The following TRIM55 variants were observed in gnomAD, a reference collection of about 807,000 sequenced individuals.
The protein encoded by TRIM55 is tripartite motif containing 55.
In TRIM55, 50 loss-of-function variants were observed where a neutral mutation model predicts 60.9. That is an observed-to-expected ratio of 0.82 (90% CI 0.65 to 1.04). The LOEUF (loss-of-function observed/expected upper bound fraction) is 1.04, where lower values mean the gene tolerates loss of function less well. Among genes scored for constraint, TRIM55 ranks in the 50% least tolerant of loss-of-function variants. The pLI, the probability that TRIM55 is intolerant of heterozygous loss-of-function variation, is 0.00. For synonymous variants in TRIM55, 237 were observed against 238.1 expected (o/e 1.00, Z 0.04); for missense variants, 681 against 666.9 (o/e 1.02, Z -0.23).
chr8:66,159,180 T>C (rs1810910993), intron 9 of TRIM55, among the ~76,000 whole-genome samples: 1 of 152,228 alleles, frequency 6.6e-6, no homozygotes, highest in Non-Finnish European at 1.5e-5. Flanking sequence ...CATGTGTCTT[T>C]ACCATTAAAT....
In TRIM55 at chr8:66,139,280, T is replaced by A. The variant is rs530810947; in HGVS notation, c.603+2090T>A. ...CTCAGGGCTTTACCGGAGATGTCTG[T>A]TGGAAGGAACAGGCTTTCTGTCTGG... On this transcript the variant is annotated intron_variant, in intron 4 of 9. Transcript: ENST00000315962. Among the ~76,000 whole-genome samples the A allele has an allele frequency of 2.0e-5, 3 of 152,208 alleles. No individual in the cohort carries two copies. In the South Asian group the frequency reaches 6.2e-4, roughly 32 times the overall value.
At chr8:66,155,509 C>A (rs1258790052) in intron 9 of TRIM55, 1 of 688,866 alleles carries the variant, frequency 1.5e-6, no homozygotes, top group East Asian at 2.6e-5. Context: ...TAGTGCACTA[C>A]CCCATGAAGA....
intron 2 of TRIM55, among the ~76,000 whole-genome samples, chr8:66,132,014 G>T (rs1809188631): frequency 6.6e-6 from 1 of 152,088 alleles, no homozygotes; most frequent in African/African-American, 2.4e-5. Flanking sequence ...ATAAATACAT[G>T]CTTGTGTTCA....
At chr8:66,121,229 T>C in the TRIM55 span, among the ~76,000 whole-genome samples, 1 of 152,166 alleles carries the variant, frequency 6.6e-6, no homozygotes, top group Non-Finnish European at 1.5e-5. Flanking sequence ...GGGAAGGTGG[T>C]GGTGACTTTG....
Position 66,149,652 on chromosome 8 carries a change from G to T in TRIM55, c.611G>T (p.Cys204Phe). ...EDTCKTIEEC[C>F]RKQKQELCEK... ...AGCTAACCCAACTAATAGGAATGTT[G>T]CAGAAAACAGAAACAAGAGCTTTGT... The change falls in exon 5 of 10, where the codon TGC (cysteine) becomes TTC (phenylalanine). Residue 204 changes from cysteine to phenylalanine, a missense_variant. By Grantham distance (205) the Cys-to-Phe change is radical. Coordinates refer to ENST00000315962, the MANE Select transcript of TRIM55 (RefSeq NM_184085.2). The T allele has an allele frequency of 1.2e-6, 2 of 1,613,252 alleles. No individual in the cohort carries two copies. The highest frequency in any genetic ancestry group is 1.1e-5 in the South Asian group (1 of 91,042).
At chr8:66,163,617 T>A (rs1208579146) in intron 9 of TRIM55, among the ~76,000 whole-genome samples, 1 of 152,240 alleles carries the variant, frequency 6.6e-6, no homozygotes, top group Non-Finnish European at 1.5e-5. Context: ...TTAATTCTGT[T>A]GTGGAGAAAG....
chr8:66,119,093 T>C, the TRIM55 span, among the ~76,000 whole-genome samples: 11 of 152,350 alleles, frequency 7.2e-5, no homozygotes, highest in Middle Eastern at 3.4e-3. Context: ...ACTGGTGCCC[T>C]AGTGCTCCAG....
At chr8:66,117,560 C>A in the TRIM55 span, among the ~76,000 whole-genome samples, 1 of 152,192 alleles carries the variant, frequency 6.6e-6, no homozygotes, top group Non-Finnish European at 1.5e-5. Flanking sequence ...AGGGCCAGAT[C>A]ATATCAGGTC....
At chr8:66,141,259 G>A (rs1563371964) in intron 4 of TRIM55, among the ~76,000 whole-genome samples, 1 of 152,204 alleles carries the variant, frequency 6.6e-6, no homozygotes, top group Non-Finnish European at 1.5e-5. Context: ...GGTTTGAAAG[G>A]GGGAGTGGCA....
chr8:66,153,804 G>T (rs914970873), intron 8 of TRIM55, among the ~76,000 whole-genome samples: 2 of 152,226 alleles, frequency 1.3e-5, no homozygotes, highest in East Asian at 3.9e-4. Flanking sequence ...TGGGCTCCCA[G>T]TGAGTGAAAG....
upstream of TRIM55, among the ~76,000 whole-genome samples, chr8:66,125,655 C>T (rs1808791756): frequency 6.6e-6 from 1 of 152,208 alleles, no homozygotes; most frequent in Non-Finnish European, 1.5e-5. Context: ...TTTACCAGTT[C>T]CCGTCCTCCC....
In TRIM55 at chr8:66,150,071, T is replaced by C. The variant is rs1267103468; in HGVS notation, c.838-146T>C. Reference sequence around the variant, plus strand: ...TGTCTATGATACTGCTTAAATCTAATAGGGTTCTGTTATAAGACAGCAGTT... The same window carrying C: ...TGTCTATGATACTGCTTAAATCTAACAGGGTTCTGTTATAAGACAGCAGTT... On this transcript the variant is annotated intron_variant, in intron 5 of 9. Coordinates refer to ENST00000315962, the MANE Select transcript of TRIM55 (RefSeq NM_184085.2). 4.8e-6 allele frequency: 5 copies of C among 1,032,430 alleles called. No homozygotes were observed. The African/African-American group carries it at 6.5e-5, about 13-fold the overall frequency. 64.0% of individuals were successfully genotyped at this position (1,032,430 alleles called of 1,614,324 possible). A position where few individuals can be genotyped will look rare whatever the true frequency, so the allele number is the denominator to read the frequency against.
At chr8:66,124,855 C>T (rs1808760357), upstream of TRIM55, among the ~76,000 whole-genome samples, 1 of 152,214 alleles carries the variant, frequency 6.6e-6, no homozygotes, top group Non-Finnish European at 1.5e-5. Context: ...GACAGCTTAT[C>T]TTCACAGGCA....
In TRIM55 at chr8:66,150,453, T is replaced by C. The variant is rs752915178; in HGVS notation, c.972T>C (p.Ile324=). The part of the protein sequence containing the change: ...LNREEKIIRE[I]DFYREDEDEE... ...GAGAAGAAAAGATAATACGTGAAATTGACTTTTACAGAGGTTTGTTATTCT... is the reference window on the plus strand; with the variant it reads ...GAGAAGAAAAGATAATACGTGAAATCGACTTTTACAGAGGTTTGTTATTCT... Residue 324 remains isoleucine (I), a synonymous_variant, in exon 7 of 10, where the codon ATT becomes ATC. Coordinates refer to ENST00000315962, the MANE Select transcript of TRIM55 (RefSeq NM_184085.2). 39 of 1,613,970 alleles carry C rather than the reference T, an allele frequency of 2.4e-5. No individual in the cohort carries two copies. In the African/African-American group the frequency reaches 2.9e-4, roughly 12 times the overall value.
chr8:66,127,534 C>T, intron 1 of TRIM55, 98 bp downstream of exon 1: 1 of 1,447,574 alleles, frequency 6.9e-7, no homozygotes, highest in South Asian at 1.3e-5. Flanking sequence ...CTTTAAAAAA[C>T]TTTATAAGGT....
At chr8:66,115,257 G>A in the TRIM55 span, 2 of 151,940 alleles carry the variant, frequency 1.3e-5, no homozygotes, top group Admixed American at 6.6e-5. Flanking sequence ...ATGGTTTATT[G>A]CTATCTTTCA....
intron 8 of TRIM55, among the ~76,000 whole-genome samples, chr8:66,153,158 G>A (rs950230898): frequency 6.6e-6 from 1 of 152,170 alleles, no homozygotes. Context: ...TTATGTTCCT[G>A]TTGCTTACCC....
chr8:66,122,017 A>G (rs1358344360), upstream of TRIM55, among the ~76,000 whole-genome samples: 1 of 152,166 alleles, frequency 6.6e-6, no homozygotes, highest in African/African-American at 2.4e-5. Flanking sequence ...CTTAGAGCAG[A>G]GCACTCCCTC....
chr8:66,125,910 A>T (rs1485153196), upstream of TRIM55, among the ~76,000 whole-genome samples: 2 of 152,240 alleles, frequency 1.3e-5, no homozygotes, highest in Non-Finnish European at 2.9e-5. Context: ...GGAGAAAGAA[A>T]GCCGAAATTT....
Sources: allele counts gnomAD v4.1 joint callset (sites outside exome capture counted in the v4.1 genomes callset), GRCh38; gene constraint gnomAD v4.1.1; transcripts MANE v1.5; gene names NCBI Gene and HGNC (gene_info 2026-07-23, HGNC 2026-07-21).